Variants in CRACR2A observed in about 807,000 individuals in gnomAD.
CRACR2A encodes the protein EF-hand calcium-binding domain-containing protein 4B.
CRACR2A carries 79 observed loss-of-function variants against 90.5 expected under a neutral mutation model. The observed-to-expected ratio is 0.87, with a 90% CI of 0.73 to 1.05. The LOEUF (loss-of-function observed/expected upper bound fraction) is 1.05. Among genes scored for constraint, CRACR2A ranks in the 50% least tolerant of loss-of-function variants. The pLI is 0.00. For synonymous variants in CRACR2A, 338 were observed against 356.7 expected, an observed-to-expected ratio of 0.95 and a Z score of 0.59; for missense variants, 823 against 897.2, an observed-to-expected ratio of 0.92 and a Z score of 1.06.
At chr12:3,707,292 A>AC (rs748041942) in intron 3 of CRACR2A, among the ~76,000 whole-genome samples, 2 of 152,204 alleles carry the variant, frequency 1.3e-5, no homozygotes, top group Non-Finnish European at 2.9e-5. Context: ...GAGACAGGGA[A>AC]CAGCTGTCTC....
chr12:3,640,670 C>G (rs1355186030), intron 13 of CRACR2A: 17 of 1,305,406 alleles, frequency 1.3e-5, no homozygotes, highest in Non-Finnish European at 1.6e-5. Context: ...ATTTACATCT[C>G]CAGAGTCACT....
chr12:3,708,372 T>TC (rs1945959691), intron 3 of CRACR2A, among the ~76,000 whole-genome samples: 1 of 152,212 alleles, frequency 6.6e-6, no homozygotes, highest in African/African-American at 2.4e-5. Context: ...TTCTCCTACC[T>TC]CCCATCCTGC....
intron 17 of CRACR2A, among the ~76,000 whole-genome samples, chr12:3,624,794 C>T (rs1427390881): frequency 6.6e-6 from 1 of 152,230 alleles, no homozygotes; most frequent in Admixed American, 6.5e-5. Flanking sequence ...GAATCTCAGA[C>T]CCCAGTCCCG....
In CRACR2A at chr12:3,633,484, T is replaced by C; in HGVS notation, c.1735+120A>G. The stretch of plus-strand genomic sequence containing the variant: ...TGAACAGAGCAGACACCAGTATCCC[T>C]ACTGGCCAATCCCCATGGCCCTTCC... On this transcript the variant is annotated intron_variant, in intron 15 of 19. Coordinates refer to ENST00000440314, the MANE Select transcript of CRACR2A (RefSeq NM_001144958.2). The surrounding 1 kb of genome is among the most constrained non-coding windows in gnomAD (Gnocchi z 4.5). 7.3e-7 allele frequency: 1 copy of C among 1,361,660 alleles called. No homozygotes were observed. Among genetic ancestry groups the C allele is most frequent in the Non-Finnish European group, 1.0e-6 (1 of 998,590 alleles). The allele number at this position is 1,361,660 out of a possible 1,614,324, so 84.3% of individuals were successfully genotyped here. A position where few individuals can be genotyped will look rare whatever the true frequency, so the allele number is the denominator to read the frequency against.
At chr12:3,738,625 GAGAA>G (rs2137887106) in intron 1 of CRACR2A, among the ~76,000 whole-genome samples, 1 of 152,146 alleles carries the variant, frequency 6.6e-6, no homozygotes, top group East Asian at 1.9e-4. Flanking sequence ...AAATATGAAA[GAGAA>G]CTTAAGAGAC....
chr12:3,632,452 G>A (rs764495073), intron 15 of CRACR2A, among the ~76,000 whole-genome samples: 18 of 152,094 alleles, frequency 1.2e-4, no homozygotes, highest in African/African-American at 3.1e-4. Flanking sequence ...TGTCAGTGGC[G>A]GGGCCCAGAT....
At chr12:3,658,047 G>C (rs959241228) in intron 8 of CRACR2A, among the ~76,000 whole-genome samples, 1 of 152,156 alleles carries the variant, frequency 6.6e-6, no homozygotes, top group Admixed American at 6.5e-5. Context: ...AAAAACATCT[G>C]AGCAGTTTCC....
At chr12:3,658,771 A>G (rs1944965287) in intron 8 of CRACR2A, among the ~76,000 whole-genome samples, 2 of 151,846 alleles carry the variant, frequency 1.3e-5, no homozygotes, top group South Asian at 4.2e-4. Context: ...TCTGCAGAGA[A>G]CTCACCAAGT....
chr12:3,698,754 C>A (rs973962324), intron 3 of CRACR2A, among the ~76,000 whole-genome samples: 5 of 152,294 alleles, frequency 3.3e-5, no homozygotes, highest in Admixed American at 1.3e-4. Flanking sequence ...CCTGAGGGGG[C>A]AGGGCTGTGT....
Position 3,644,625 on chromosome 12 carries a change from G to A in CRACR2A, c.1134C>T (p.His378=). The A allele has an allele frequency of 6.4e-7, 1 of 1,551,634 alleles. No homozygotes were observed. ...AACATATGTCCCGTTCATCCCGAAGGTGCTTGTTCCTTTCCCTGTGGATGG... is the reference window on the plus strand; with the variant it reads ...AACATATGTCCCGTTCATCCCGAAGATGCTTGTTCCTTTCCCTGTGGATGG... The part of the protein sequence containing the change: ...QLDFLRERNK[H]LRDERDICFQ... The change falls in exon 12 of 20, where the codon CAC becomes CAT. Residue 378 remains histidine, a synonymous_variant. Transcript: ENST00000440314.
chr12:3,723,375 G>C (rs1591712574), intron 2 of CRACR2A, among the ~76,000 whole-genome samples: 1 of 152,134 alleles, frequency 6.6e-6, no homozygotes, highest in Admixed American at 6.5e-5. Flanking sequence ...GTTAGTGTCA[G>C]ATTTATCCAC....
chr12:3,628,693 A>C (rs1944323347), intron 15 of CRACR2A, among the ~76,000 whole-genome samples: 1 of 152,230 alleles, frequency 6.6e-6, no homozygotes, highest in Non-Finnish European at 1.5e-5. Flanking sequence ...TCGAAAGTAC[A>C]TCCCCCCACC....
chr12:3,746,377 ATC>A lies in CRACR2A; in HGVS notation c.-387+6636_-387+6637del, dbSNP rs1334378408. On this transcript the variant is annotated intron_variant, in intron 1 of 19. Coordinates refer to ENST00000440314, the MANE Select transcript of CRACR2A (RefSeq NM_001144958.2). This position sits in a 1 kb window ranked among gnomAD's most constrained non-coding sequence, Gnocchi z 4.4. The stretch of plus-strand genomic sequence containing the variant: ...GCTCTCTCTCTCTCTCTCTCTCCCC[ATC>A]TCTCTCTCCTCCCTCTTCCCCACCC... Among the ~76,000 whole-genome samples, 1 of 144,316 alleles carries A rather than the reference ATC, an allele frequency of 6.9e-6. No individual in the cohort carries two copies. The highest frequency in any genetic ancestry group is 1.5e-5 in the Non-Finnish European group (1 of 65,784). 94.7% of individuals were successfully genotyped at this position (144,316 alleles called of 152,430 possible). A position where few individuals can be genotyped will look rare whatever the true frequency, so the allele number is the denominator to read the frequency against.
At chr12:3,643,129 A>G (rs1036794344) in intron 12 of CRACR2A, among the ~76,000 whole-genome samples, 1 of 151,634 alleles carries the variant, frequency 6.6e-6, no homozygotes, top group African/African-American at 2.4e-5. Flanking sequence ...AAACAATTAT[A>G]ACCATTATCA....
intron 2 of CRACR2A, among the ~76,000 whole-genome samples, chr12:3,716,624 A>G (rs760371191): frequency 1.3e-5 from 2 of 152,224 alleles, no homozygotes; most frequent in Admixed American, 1.3e-4. Flanking sequence ...TTCATCTTCA[A>G]TACCATCTCA....
intron 3 of CRACR2A, among the ~76,000 whole-genome samples, chr12:3,703,634 C>T (rs529787765): frequency 2.4e-4 from 37 of 152,246 alleles, no homozygotes; most frequent in Non-Finnish European, 4.3e-4. Flanking sequence ...GAATGAAAAG[C>T]AAGCCACAGA....
intron 4 of CRACR2A, among the ~76,000 whole-genome samples, chr12:3,694,530 G>T (rs1455366265): frequency 6.6e-6 from 1 of 152,196 alleles, no homozygotes; most frequent in Non-Finnish European, 1.5e-5. Flanking sequence ...ACCAAAGGGG[G>T]TGACTGTATG....
intron 1 of CRACR2A, among the ~76,000 whole-genome samples, chr12:3,743,526 G>T (rs1042741827): frequency 2.8e-4 from 42 of 152,310 alleles, no homozygotes; most frequent in African/African-American, 9.9e-4. Flanking sequence ...GGCACAGGGG[G>T]ATCAACAGCC....
intron 3 of CRACR2A, among the ~76,000 whole-genome samples, chr12:3,708,131 A>G (rs578192037): frequency 6.6e-6 from 1 of 152,132 alleles, no homozygotes; most frequent in Non-Finnish European, 1.5e-5. Context: ...TAGAAGGTGG[A>G]CCCTTGAGCT....
Sources: allele counts gnomAD v4.1 joint callset (sites outside exome capture counted in the v4.1 genomes callset), GRCh38; gene constraint gnomAD v4.1.1; non-coding constraint Gnocchi (gnomAD v3.1); transcripts MANE v1.5; gene names NCBI Gene and HGNC (gene_info 2026-07-23, HGNC 2026-07-21).